The following SBNO1 variants were observed in gnomAD, a reference collection of about 807,000 sequenced individuals.
SBNO1 encodes the protein strawberry notch homolog 1, also known as protein strawberry notch homolog 1.
SBNO1 carries 23 observed loss-of-function variants against 173.6 expected under a neutral mutation model. The ratio of observed to expected loss-of-function variants is 0.13; its 90% CI spans 0.10 to 0.19. The LOEUF (loss-of-function observed/expected upper bound fraction) is 0.19. Among genes scored for constraint, SBNO1 ranks in the 10% least tolerant of loss-of-function variants. The pLI is 1.00. For synonymous variants in SBNO1, 632 were observed against 571.5 expected, an observed-to-expected ratio of 1.11 and a Z score of -1.51; for missense variants, 1,238 against 1,671.2, an observed-to-expected ratio of 0.74 and a Z score of 4.52.
At chr12:123,340,107 T>C (rs1441952546) in intron 5 of SBNO1, among the ~76,000 whole-genome samples, 1 of 152,220 alleles carries the variant, frequency 6.6e-6, no homozygotes, top group Admixed American at 6.5e-5. Flanking sequence ...TGATGTACTT[T>C]TCATTATTAC....
chr12:123,299,858 G>A (rs1461981061), intron 30 of SBNO1, among the ~76,000 whole-genome samples: 3 of 151,830 alleles, frequency 2.0e-5, no homozygotes, highest in African/African-American at 7.3e-5. Flanking sequence ...GATCCTGAGA[G>A]ATCCTGCCAT....
At chr12:123,338,883 CACACACCCCG>C (rs1168905034) in intron 5 of SBNO1, among the ~76,000 whole-genome samples, 315 of 2,386 alleles carry the variant, frequency 0.13, 4 homozygotes, top group African/African-American at 0.31. Context: ...CACACACACA[CACACACCCCG>C]ACACACACAC....
intron 23 of SBNO1, 84 bp downstream of exon 23, chr12:123,315,289 G>A: frequency 9.4e-7 from 1 of 1,064,154 alleles, no homozygotes. Flanking sequence ...TTTTGTTTTA[G>A]ACAGTAACTA....
At chr12:123,352,996 C>A (rs1399887321) in intron 1 of SBNO1, among the ~76,000 whole-genome samples, 1 of 152,178 alleles carries the variant, frequency 6.6e-6, no homozygotes, top group Non-Finnish European at 1.5e-5. Context: ...TGGGGTTTCA[C>A]CGTATTGCCC....
At chr12:123,313,244 ATAAATAAATAAT>A (rs1380353176) in intron 24 of SBNO1, among the ~76,000 whole-genome samples, 4 of 144,654 alleles carry the variant, frequency 2.8e-5, no homozygotes, top group African/African-American at 7.5e-5. Flanking sequence ...AAATAAATAA[ATAAATAAATAAT>A]TTTTAAAAAA....
intron 24 of SBNO1, among the ~76,000 whole-genome samples, chr12:123,312,566 G>A (rs189073619): frequency 1.8e-3 from 271 of 152,010 alleles, no homozygotes; most frequent in African/African-American, 6.2e-3. Flanking sequence ...ACAAAAATTA[G>A]CCAGGTATGG....
chr12:123,347,930 G>C (rs1873404458), intron 3 of SBNO1, 99 bp downstream of exon 3: 2 of 623,328 alleles, frequency 3.2e-6, no homozygotes, highest in African/African-American at 3.7e-5. Context: ...GCCTCTCAAA[G>C]TGCTGAGACT....
At chr12:123,337,009 A>T (rs1163675081) in intron 5 of SBNO1, among the ~76,000 whole-genome samples, 1 of 152,182 alleles carries the variant, frequency 6.6e-6, no homozygotes, top group African/African-American at 2.4e-5. Flanking sequence ...TTTCCCGCAT[A>T]TCCTAAAACC....
At chr12:123,310,933 G>A (rs1345363388) in intron 25 of SBNO1, 122 bp downstream of exon 25, 2 of 734,730 alleles carry the variant, frequency 2.7e-6, no homozygotes, top group Non-Finnish European at 4.6e-6. Context: ...CCCCACAGCA[G>A]CCAAAACCAC....
At chr12:123,309,604 A>G in intron 26 of SBNO1, 21 bp from the exon 27 acceptor site, 2 of 1,606,766 alleles carry the variant, frequency 1.2e-6, no homozygotes, top group South Asian at 1.1e-5. Flanking sequence ...AAAAAGAAAC[A>G]TGTAAATGTA....
At chr12:123,357,504 A>G (rs566403005) in intron 1 of SBNO1, among the ~76,000 whole-genome samples, 1 of 152,198 alleles carries the variant, frequency 6.6e-6, no homozygotes, top group South Asian at 2.1e-4. Context: ...GCACTTTGGT[A>G]GGCTGAGGCA....
At position 123,350,329 on chromosome 12, in the gene SBNO1, G is replaced by C. The variant is rs775781679; in HGVS notation, c.113C>G (p.Pro38Arg). Residue 38 changes from proline to arginine, a missense_variant, in exon 2 of 32, where the codon CCT (proline) becomes CGT (arginine). This residue lies in a region of SBNO1 where 287 missense variants were observed against 274.1 expected (regional missense o/e 1.05). Coordinates refer to ENST00000602398, the MANE Select transcript of SBNO1 (RefSeq NM_001167856.3). The stretch of plus-strand genomic sequence containing the variant: ...TCTTACCTGCTGAACTGACGGGGTA[G>C]GCATTGGAGTTGCAAGCCCTGCATC... ...GGDAGLATPM[P>R]TPSVQQSVPL... is the part of the protein sequence containing the mutation. 1 of 1,614,064 alleles carries C rather than the reference G, an allele frequency of 6.2e-7. No homozygotes were observed. The highest frequency in any genetic ancestry group is 8.5e-7 in the Non-Finnish European group (1 of 1,179,960).
At chr12:123,316,313 C>T (rs927153233) in intron 21 of SBNO1, among the ~76,000 whole-genome samples, 5 of 152,138 alleles carry the variant, frequency 3.3e-5, no homozygotes, top group East Asian at 3.9e-4. Flanking sequence ...CAACCTCCGC[C>T]TCCCGGGTTC....
intron 30 of SBNO1, among the ~76,000 whole-genome samples, chr12:123,299,263 G>A (rs1423899458): frequency 2.6e-5 from 4 of 152,018 alleles, no homozygotes; most frequent in African/African-American, 9.7e-5. Flanking sequence ...AGCTACTCGG[G>A]AAGCTGAGGC....
At chr12:123,359,571 T>G (rs141255736) in intron 1 of SBNO1, among the ~76,000 whole-genome samples, 1 of 144,628 alleles carries the variant, frequency 6.9e-6, no homozygotes, top group Non-Finnish European at 1.5e-5. Flanking sequence ...AAAAAAAAGA[T>G]ATATATATAG....
intron 10 of SBNO1, 26 bp from the exon 11 acceptor site, chr12:123,328,053 A>T (rs758549659): frequency 1.3e-6 from 2 of 1,570,584 alleles, no homozygotes; most frequent in East Asian, 2.2e-5. Flanking sequence ...TAAGGAATGT[A>T]TCACATTAGT....
chr12:123,331,829 A>T (rs1259556132), intron 7 of SBNO1, among the ~76,000 whole-genome samples: 1 of 148,538 alleles, frequency 6.7e-6, no homozygotes, highest in Non-Finnish European at 1.5e-5. Flanking sequence ...CAAATTTTAT[A>T]GTTTTGGCTT....
chr12:123,304,366 C>T, intron 29 of SBNO1: 1 of 363,412 alleles, frequency 2.8e-6, no homozygotes, highest in Non-Finnish European at 5.1e-6. Context: ...TCCCAAGTGG[C>T]TGGAATTACA....
At chr12:123,310,574 G>A (rs888933739) in intron 25 of SBNO1, among the ~76,000 whole-genome samples, 3 of 149,276 alleles carry the variant, frequency 2.0e-5, no homozygotes, top group African/African-American at 7.4e-5. Context: ...CTCTATTGTC[G>A]CCGAAGTTGG....
Sources: allele counts gnomAD v4.1 joint callset (sites outside exome capture counted in the v4.1 genomes callset), GRCh38; gene constraint gnomAD v4.1.1; regional missense constraint gnomAD v4.1.1; transcripts MANE v1.5; gene names NCBI Gene and HGNC (gene_info 2026-07-23, HGNC 2026-07-21).